PC: variants seen among roughly 807,000 people sequenced by gnomAD.
PC encodes the protein pyruvate carboxylase, mitochondrial.
PC carries 46 observed loss-of-function variants against 107.8 expected under a neutral mutation model. The ratio of observed to expected loss-of-function variants is 0.43; its 90% CI spans 0.34 to 0.55. The LOEUF is 0.55. Ranked by LOEUF, PC falls within the 20% of genes least tolerant of loss-of-function variation. PC has a pLI of 0.04. For synonymous variants in PC, 662 were observed against 684.7 expected (o/e 0.97, Z 0.52); for missense variants, 1,241 against 1,643.1 (o/e 0.76, Z 4.23).
intron 11 of PC, among the ~76,000 whole-genome samples, chr11:66,865,769 T>C (rs746009024): frequency 7.9e-5 from 12 of 152,084 alleles, no homozygotes; most frequent in Non-Finnish European, 1.3e-4. Context: ...TTGGGACCTC[T>C]GGGCCCAGTC....
chr11:66,956,966 T>C (rs1949574450), intron 1 of PC, among the ~76,000 whole-genome samples: 1 of 152,246 alleles, frequency 6.6e-6, no homozygotes, highest in African/African-American at 2.4e-5. Flanking sequence ...TCGCCCACGC[T>C]GTCTCTCGGC....
At chr11:66,950,091 G>A (rs1949401958) in intron 3 of PC, among the ~76,000 whole-genome samples, 1 of 152,174 alleles carries the variant, frequency 6.6e-6, no homozygotes, top group Non-Finnish European at 1.5e-5. Context: ...TACACAGCAT[G>A]TACATGAGAA....
At position 66,908,435 on chromosome 11, in the gene PC, G is replaced by A. The variant is rs1948231411; in HGVS notation, c.1-36276C>T. 2.0e-5 allele frequency among the ~76,000 whole-genome samples: 3 copies of A among 152,074 alleles called. No individual in the cohort carries two copies. The South Asian group carries it at 6.2e-4, about 32-fold the overall frequency. ...GTGACCCAGTACGATTTATCAGCAAGCAGATGTTCACATGCTTGAACATAC... is the reference window on the plus strand; with the variant it reads ...GTGACCCAGTACGATTTATCAGCAAACAGATGTTCACATGCTTGAACATAC... On this transcript the variant is annotated intron_variant, in intron 3 of 22. Coordinates refer to ENST00000393960, the MANE Select transcript of PC (RefSeq NM_001040716.2).
At position 66,863,864 on chromosome 11, in the gene PC, C is replaced by T. The variant is rs1246642405; in HGVS notation, c.1278G>A (p.Leu426=). The T allele has an allele frequency of 6.2e-7, 1 of 1,614,060 alleles. No individual in the cohort carries two copies. Among genetic ancestry groups the T allele is most frequent in the East Asian group, 2.2e-5 (1 of 44,874 alleles). Residue 426 remains leucine (L), a synonymous_variant, in exon 12 of 23, where the codon CTG becomes CTA. Transcript: ENST00000393960. ...CTTTGCCGTGGGCAATGACTTTGAC[C>T]AGCAGGGAGTCGTAGTGGGGCGAGA... ...AVISPHYDSL[L]VKVIAHGKDH...
intron 12 of PC, 83 bp downstream of exon 12, chr11:66,863,691 C>G (rs1441044792): frequency 7.6e-6 from 11 of 1,437,914 alleles, no homozygotes; most frequent in African/African-American, 1.4e-5. Flanking sequence ...AAGCCATGTG[C>G]AAGGCCCTTG....
chr11:66,897,160 C>T lies in PC; in HGVS notation c.1-25001G>A, dbSNP rs142830710. ...TGTTGGCCAGGCTGGTCTCGAGCTC[C>T]TGACCTCAGGTGATCCACCTGCCTA... On this transcript the variant is annotated intron_variant, in intron 3 of 22. Transcript: ENST00000393960. Among the ~76,000 whole-genome samples the T allele has an allele frequency of 5.3e-3, 800 of 152,290 alleles. 6 individuals are homozygous for T. The highest frequency in any genetic ancestry group is 6.1e-3 in the Non-Finnish European group (413 of 68,032).
chr11:66,932,018 C>CAA (rs756391349), intron 3 of PC, among the ~76,000 whole-genome samples: 2,109 of 59,274 alleles, frequency 0.036, 71 homozygotes, highest in African/African-American at 0.11. Context: ...GACTCTGTCT[C>CAA]AAAAAAAAAA....
At chr11:66,902,417 A>G (rs1947991113) in intron 3 of PC, among the ~76,000 whole-genome samples, 1 of 152,148 alleles carries the variant, frequency 6.6e-6, no homozygotes, top group African/African-American at 2.4e-5. Flanking sequence ...TATGATCTCA[A>G]TCATCAGAGG....
intron 3 of PC, among the ~76,000 whole-genome samples, chr11:66,947,465 T>C (rs1949326545): frequency 1.3e-5 from 2 of 151,566 alleles, no homozygotes; most frequent in South Asian, 4.2e-4. Flanking sequence ...TGGGTGCCTG[T>C]AGTCCCAGCT....
At chr11:66,915,582 G>A (rs1033109610) in intron 3 of PC, among the ~76,000 whole-genome samples, 6 of 152,168 alleles carry the variant, frequency 3.9e-5, no homozygotes, top group African/African-American at 1.4e-4. Context: ...GGACCACTCC[G>A]TGCCCTGTGA....
chr11:66,936,999 C>T (rs769258123), intron 3 of PC, among the ~76,000 whole-genome samples: 1 of 152,060 alleles, frequency 6.6e-6, no homozygotes, highest in African/African-American at 2.4e-5. Flanking sequence ...TGCACCACCA[C>T]GCCTGGCTAA....
chr11:66,913,140 G>A (rs1225933929), intron 3 of PC, among the ~76,000 whole-genome samples: 3 of 152,050 alleles, frequency 2.0e-5, no homozygotes, highest in African/African-American at 4.8e-5. Flanking sequence ...GGCCTGTGGC[G>A]CCAAAGGCAG....
At chr11:66,891,568 T>C (rs904956153) in intron 3 of PC, among the ~76,000 whole-genome samples, 1 of 151,642 alleles carries the variant, frequency 6.6e-6, no homozygotes, top group Non-Finnish European at 1.5e-5. Flanking sequence ...TAATTTTGTA[T>C]TTTTAGTAGA....
Position 66,851,036 on chromosome 11 carries a change from G to T in PC, c.2223+4C>A. 3 of 1,612,574 alleles carry T rather than the reference G, an allele frequency of 1.9e-6. No individual in the cohort carries two copies. The South Asian group carries it at 3.3e-5, about 18-fold the overall frequency. On this transcript the variant is annotated splice_donor_region_variant and intron_variant, in intron 17 of 22. Coordinates refer to ENST00000393960, the MANE Select transcript of PC (RefSeq NM_001040716.2). ...AGGGAGGGACGGACAAGTGGCCCAG[G>T]CACCTTGATGCACAGGATGTGGGTG...
Position 66,852,675 on chromosome 11 carries a change from G to A in PC, c.1604-15C>T, listed in dbSNP as rs1409052899. The A allele has an allele frequency of 3.1e-6, 5 of 1,612,656 alleles. No homozygotes were observed. Among genetic ancestry groups the A allele is most frequent in the African/African-American group, 1.3e-5 (1 of 74,890 alleles). ...CGGGGGCGGGCCTAGGGTAGACAGG[G>A]GCATTGGTGCCCATCCTGCAGGTGG... On this transcript the variant is annotated splice_polypyrimidine_tract_variant and intron_variant, in intron 14 of 22. Transcript: ENST00000393960. This position sits in a 1 kb window ranked among gnomAD's most constrained non-coding sequence, Gnocchi z 4.7.
chr11:66,851,427 G>T, intron 16 of PC, 147 bp from the exon 17 acceptor site: 1 of 1,229,632 alleles, frequency 8.1e-7, no homozygotes, highest in Non-Finnish European at 1.1e-6. Context: ...CCACAGGCGG[G>T]GGGTGGCCAC....
intron 3 of PC, among the ~76,000 whole-genome samples, chr11:66,898,686 CAAAT>C (rs1947846869): frequency 6.6e-6 from 1 of 152,084 alleles, no homozygotes; most frequent in East Asian, 1.9e-4. Flanking sequence ...TCTCAAGAAA[CAAAT>C]AAAGTGCAAT....
Position 66,848,600 on chromosome 11 carries a change from A to T in PC, c.*299T>A, listed in dbSNP as rs1015757793. The stretch of plus-strand genomic sequence containing the variant: ...CTTAGATCTCCCCTTCCCCCAGGAG[A>T]TAGGACCCCTAAACCTCCCCTGGGT... On this transcript the variant is annotated 3_prime_UTR_variant, in exon 23 of 23. Coordinates refer to ENST00000393960, the MANE Select transcript of PC (RefSeq NM_001040716.2). The T allele has an allele frequency of 1.1e-4, 66 of 599,814 alleles. No homozygotes were observed. The Admixed American group carries it at 1.8e-3, about 16-fold the overall frequency. 37.2% of individuals were successfully genotyped at this position (599,814 alleles called of 1,614,324 possible).
At chr11:66,923,078 G>A (rs990398831) in intron 3 of PC, among the ~76,000 whole-genome samples, 4 of 152,082 alleles carry the variant, frequency 2.6e-5, no homozygotes, top group Non-Finnish European at 4.4e-5. Flanking sequence ...CAAGAAGTCG[G>A]GCTAGGCACC....
Sources: allele counts gnomAD v4.1 joint callset (sites outside exome capture counted in the v4.1 genomes callset), GRCh38; gene constraint gnomAD v4.1.1; non-coding constraint Gnocchi (gnomAD v3.1); transcripts MANE v1.5; gene names NCBI Gene and HGNC (gene_info 2026-07-23, HGNC 2026-07-21).